The following MFN1 variants were observed in gnomAD, a reference collection of about 807,000 sequenced individuals.
MFN1 encodes the protein mitofusin-1.
A neutral mutation model predicts 92.4 loss-of-function variants in MFN1; 65 were observed. The observed-to-expected ratio is 0.70, with a 90% CI of 0.58 to 0.86. MFN1 has a LOEUF of 0.86. Ranked by LOEUF, MFN1 falls within the 40% of genes least tolerant of loss-of-function variation. The pLI, the probability that MFN1 is intolerant of heterozygous loss-of-function variation, is 0.00. For missense variants in MFN1, 781 were observed against 868.0 expected, an observed-to-expected ratio of 0.90 and a Z score of 1.26; for synonymous variants, 297 against 300.9, an observed-to-expected ratio of 0.99 and a Z score of 0.13.
chr3:179,368,190 T>G, intron 9 of MFN1, 87 bp downstream of exon 9: 1 of 1,038,958 alleles, frequency 9.6e-7, no homozygotes, highest in Non-Finnish European at 1.3e-6. Context: ...CCTTTGTCTT[T>G]GTCAATAACT....
intron 9 of MFN1, among the ~76,000 whole-genome samples, chr3:179,369,271 G>C (rs1712927784): frequency 6.6e-6 from 1 of 151,960 alleles, no homozygotes; most frequent in Non-Finnish European, 1.5e-5. Context: ...GAGTGCAGTT[G>C]GGCAATCATA....
In MFN1 at chr3:179,367,528, C is replaced by T; in HGVS notation, c.843C>T (p.Phe281=). Residue 281 remains phenylalanine (F), a synonymous_variant, in exon 8 of 18, where the codon TTC becomes TTT. Coordinates refer to ENST00000471841, the MANE Select transcript of MFN1 (RefSeq NM_033540.3). ...CTTTAGAAGCACAGAATCGTATCTT[C>T]TTTGTTTCAGCAAAGGAAGTTCTTA... ...VNALEAQNRI[F]FVSAKEVLSA... 6.2e-7 allele frequency: 1 copy of T among 1,613,580 alleles called. No individual in the cohort carries two copies. The highest frequency in any genetic ancestry group is 8.5e-7 in the Non-Finnish European group (1 of 1,179,814).
chr3:179,353,163 C>T (rs1163791385), intron 3 of MFN1, among the ~76,000 whole-genome samples: 2 of 151,516 alleles, frequency 1.3e-5, no homozygotes, highest in Non-Finnish European at 2.9e-5. Flanking sequence ...AAGCAATTCT[C>T]CTGCCTCAGC....
intron 10 of MFN1, 193 bp from the exon 11 acceptor site, chr3:179,376,849 C>T (rs887179931): frequency 7.0e-5 from 30 of 426,430 alleles, no homozygotes; most frequent in African/African-American, 4.8e-4. Context: ...GGCAGAGAAA[C>T]GTGGTTTCTA....
At chr3:179,369,578 A>T (rs765239441) in intron 9 of MFN1, among the ~76,000 whole-genome samples, 15 of 152,038 alleles carry the variant, frequency 9.9e-5, no homozygotes, top group Non-Finnish European at 1.8e-4. Context: ...CTCGTTGAGG[A>T]GGTGGGAATG....
At chr3:179,383,321 AG>A (rs1456563614) in intron 14 of MFN1, among the ~76,000 whole-genome samples, 2 of 152,358 alleles carry the variant, frequency 1.3e-5, no homozygotes, top group East Asian at 3.9e-4. Flanking sequence ...TTTGTTAAAT[AG>A]GGAATCCTTT....
At chr3:179,377,241 C>G in intron 11 of MFN1, 73 bp downstream of exon 11, 1 of 1,537,196 alleles carries the variant, frequency 6.5e-7, no homozygotes, top group Non-Finnish European at 8.8e-7. Context: ...AAATGTTATT[C>G]CTGTTACTTT....
chr3:179,381,623 T>C (rs1341024144), intron 14 of MFN1, among the ~76,000 whole-genome samples: 1 of 152,268 alleles, frequency 6.6e-6, no homozygotes, highest in African/African-American at 2.4e-5. Context: ...CAATCAAGAA[T>C]GATGGTGATG....
intron 4 of MFN1, among the ~76,000 whole-genome samples, chr3:179,361,305 T>C (rs1712566955): frequency 6.6e-6 from 1 of 152,186 alleles, no homozygotes; most frequent in Non-Finnish European, 1.5e-5. Flanking sequence ...CTTCACACTC[T>C]TTTCCTCCTC....
chr3:179,375,146 A>C, intron 9 of MFN1, 74 bp from the exon 10 acceptor site: 1 of 1,434,990 alleles, frequency 7.0e-7, no homozygotes, highest in Non-Finnish European at 9.2e-7. Context: ...ACAAACAGCA[A>C]GTTTTTGTGT....
chr3:179,353,055 A>T (rs12491010), intron 3 of MFN1, among the ~76,000 whole-genome samples: 74,687 of 139,670 alleles, frequency 0.53, 20,789 homozygotes, highest in African/African-American at 0.74. Context: ...TCCAGCCTAA[A>T]TTTTTTTTTT....
In MFN1 at chr3:179,392,175, G is replaced by C. The variant is rs114372265; in HGVS notation, c.*116G>C. The C allele has an allele frequency of 3.9e-3, 2,585 of 658,530 alleles. 51 individuals are homozygous for C. In the African/African-American group the frequency reaches 0.042, roughly 11 times the overall value. 40.8% of individuals were successfully genotyped at this position (658,530 alleles called of 1,614,324 possible). On this transcript the variant is annotated 3_prime_UTR_variant, in exon 18 of 18. Coordinates refer to ENST00000471841, the MANE Select transcript of MFN1 (RefSeq NM_033540.3). The stretch of plus-strand genomic sequence containing the variant: ...GAATTGTACTAACTGTACCTAAATA[G>C]CAAAGCCCTGTGTAGATTCTGGTAA...
At chr3:179,382,074 A>ATT (rs10542714) in intron 14 of MFN1, among the ~76,000 whole-genome samples, 21 of 151,538 alleles carry the variant, frequency 1.4e-4, no homozygotes, top group East Asian at 1.2e-3. Flanking sequence ...CATTTTTTTA[A>ATT]TTTTTTTTTA....
chr3:179,347,900 C>G (rs934175587), intron 1 of MFN1, 90 bp downstream of exon 1: 9 of 152,200 alleles, frequency 5.9e-5, no homozygotes, highest in African/African-American at 1.9e-4. Flanking sequence ...GTGCATGCAG[C>G]GTTGTGTGAC....
intron 16 of MFN1, among the ~76,000 whole-genome samples, chr3:179,388,179 G>A (rs371348903): frequency 6.6e-5 from 10 of 152,152 alleles, no homozygotes; most frequent in East Asian, 5.8e-4. Context: ...GTGAGCCACC[G>A]CGCCCAGCCA....
chr3:179,380,602 C>T (rs993681237), intron 14 of MFN1, among the ~76,000 whole-genome samples: 1 of 152,204 alleles, frequency 6.6e-6, no homozygotes, highest in African/African-American at 2.4e-5. Context: ...TTCTGCTCAT[C>T]GTCTAGCTGA....
At chr3:179,365,060 T>C in intron 6 of MFN1, 58 bp from the exon 7 acceptor site, 1 of 991,738 alleles carries the variant, frequency 1.0e-6, no homozygotes, top group Non-Finnish European at 1.4e-6. Context: ...TAAAATAAAA[T>C]TTCAATTATA....
rs1714006296 is a variant in MFN1 at position 179,394,156 on chromosome 3, C to A, written c.*2097C>A. 1 of 152,102 alleles carries A rather than the reference C, an allele frequency of 6.6e-6. No homozygotes were observed. The highest frequency in any genetic ancestry group is 2.1e-4 in the South Asian group (1 of 4,814). 9.4% of individuals were successfully genotyped at this position (152,102 alleles called of 1,614,324 possible). On this transcript the variant is annotated 3_prime_UTR_variant, in exon 18 of 18. Coordinates refer to ENST00000471841, the MANE Select transcript of MFN1 (RefSeq NM_033540.3). ...AGCCACCACACACAGCTATAATCAA[C>A]CTTCAAACTTATAAAAAGTGTGGAT...
chr3:179,358,987 A>C lies in MFN1; in HGVS notation c.396A>C (p.Glu132Asp). 1.2e-6 allele frequency: 2 copies of C among 1,613,866 alleles called. No homozygotes were observed. Among genetic ancestry groups the C allele is most frequent in the Non-Finnish European group, 1.7e-6 (2 of 1,179,904 alleles). ...ATCTTATGACAGAAGGATCAGATGA[A>C]AAAAAGAGTGTGAAGGTATGATCTT... ...KAYLMTEGSD[E>D]KKSVKTVNQL... Residue 132 changes from glutamate (E) to aspartate (D), a missense_variant, in exon 4 of 18, where the codon GAA becomes GAC. Glu to Asp is a conservative substitution (Grantham distance 45). Coordinates refer to ENST00000471841, the MANE Select transcript of MFN1 (RefSeq NM_033540.3).
Sources: allele counts gnomAD v4.1 joint callset (sites outside exome capture counted in the v4.1 genomes callset), GRCh38; gene constraint gnomAD v4.1.1; transcripts MANE v1.5; gene names NCBI Gene and HGNC (gene_info 2026-07-23, HGNC 2026-07-21).